DNMBP: variants seen among roughly 807,000 people sequenced by gnomAD.
DNMBP encodes dynamin-binding protein.
Under a neutral mutation model 150.0 loss-of-function variants are expected in DNMBP, and 87 were observed. The observed-to-expected ratio is 0.58, with a 90% CI of 0.49 to 0.69. The LOEUF (loss-of-function observed/expected upper bound fraction) is 0.69. DNMBP is among the 30% of genes least tolerant of loss of function. DNMBP has a pLI of 0.00. For synonymous variants in DNMBP, 711 were observed against 750.4 expected (o/e 0.95, Z 0.86); for missense variants, 1,774 against 1,949.0 (o/e 0.91, Z 1.69).
chr10:99,954,165 T>C (rs369435880), intron 4 of DNMBP, among the ~76,000 whole-genome samples: 8 of 152,122 alleles, frequency 5.3e-5, no homozygotes, highest in African/African-American at 1.9e-4. Flanking sequence ...CCCGAGTAGC[T>C]GGGACTACTG....
intron 15 of DNMBP, among the ~76,000 whole-genome samples, chr10:99,881,495 C>T (rs1407976385): frequency 1.3e-5 from 2 of 152,220 alleles, no homozygotes; most frequent in Non-Finnish European, 2.9e-5. Flanking sequence ...TTTCATAACA[C>T]TGTCAAGGCA....
chr10:99,978,587 T>C (rs2133362817), intron 1 of DNMBP, among the ~76,000 whole-genome samples: 1 of 152,302 alleles, frequency 6.6e-6, no homozygotes, highest in Non-Finnish European at 1.5e-5. Context: ...TTTGTTGTTG[T>C]TGTTTTCTTT....
chr10:99,886,293 A>G lies in DNMBP; in HGVS notation c.3618+7T>C. 1 of 1,608,480 alleles carries G rather than the reference A, an allele frequency of 6.2e-7. No homozygotes were observed. The highest frequency in any genetic ancestry group is 8.5e-7 in the Non-Finnish European group (1 of 1,175,550). On this transcript the variant is annotated splice_region_variant and intron_variant, in intron 13 of 16. Coordinates refer to ENST00000324109, the MANE Select transcript of DNMBP (RefSeq NM_015221.4). Reference sequence around the variant, plus strand: ...TGACCATCCCACTGAACAGGTAAGAAACTCACCGAAAGCAGTGGCTTTAAT... The same window carrying G: ...TGACCATCCCACTGAACAGGTAAGAGACTCACCGAAAGCAGTGGCTTTAAT...
intron 4 of DNMBP, among the ~76,000 whole-genome samples, chr10:99,941,740 T>A (rs1255530446): frequency 6.6e-6 from 1 of 152,170 alleles, no homozygotes; most frequent in Non-Finnish European, 1.5e-5. Context: ...AGTGCTGGGA[T>A]TACAGGCATG....
intron 4 of DNMBP, chr10:99,913,881 G>A: frequency 7.9e-7 from 1 of 1,263,482 alleles, no homozygotes; most frequent in Non-Finnish European, 1.0e-6. Flanking sequence ...GATCCCAGGT[G>A]CCCTTGAACA....
intron 11 of DNMBP, among the ~76,000 whole-genome samples, chr10:99,892,527 G>C (rs1468315636): frequency 1.6e-5 from 2 of 127,734 alleles, no homozygotes; most frequent in Non-Finnish European, 3.2e-5. Context: ...GGCGGTGCAA[G>C]ATGTGCTTTG....
In DNMBP at chr10:99,880,188, C is replaced by T. The variant is rs772574320; in HGVS notation, c.4171G>A (p.Ala1391Thr). 6.2e-7 allele frequency: 1 copy of T among 1,614,020 alleles called. No homozygotes were observed. Among genetic ancestry groups the T allele is most frequent in the African/African-American group, 1.3e-5 (1 of 74,920 alleles). Residue 1391 changes from alanine to threonine, a missense_variant, in exon 16 of 17, where the codon GCT (alanine) becomes ACT (threonine). Physicochemically the swap from Ala to Thr is moderately conservative, Grantham distance 58. Transcript: ENST00000324109. ...STLTFNPSSM[A>T]VSFTSGSCQK... ...CAAGACCCCGAGGTAAAGGATACAG[C>T]CATGCTGCTGGGGTTGAAGGTCAGG...
Position 99,897,907 on chromosome 10 carries a change from T to C in DNMBP, c.2920+179A>G, listed in dbSNP as rs1363697175. ...CAGCCTGGGGGACAGAGCAAGACTC[T>C]GTCTCAAAAAAAATAATAATAAAAT... On this transcript the variant is annotated intron_variant, in intron 9 of 16. Transcript: ENST00000324109. 68 of 601,372 alleles carry C rather than the reference T, an allele frequency of 1.1e-4. 2 individuals carry two copies. In the South Asian group the frequency reaches 1.4e-3, roughly 12 times the overall value. The allele number at this position is 601,372 out of a possible 1,614,324, so 37.3% of individuals were successfully genotyped here. A position where few individuals can be genotyped will look rare whatever the true frequency, so the allele number is the denominator to read the frequency against.
chr10:100,006,908 G>A (rs1012329541), intron 1 of DNMBP, among the ~76,000 whole-genome samples: 2 of 152,168 alleles, frequency 1.3e-5, no homozygotes, highest in African/African-American at 4.8e-5. Context: ...GAGGCCAGGA[G>A]TTCCAGACCA....
chr10:99,961,654 A>C (rs2804948), intron 3 of DNMBP, among the ~76,000 whole-genome samples: 394 of 152,324 alleles, frequency 2.6e-3, no homozygotes, highest in African/African-American at 9.1e-3. Flanking sequence ...TATTTCTTCA[A>C]GTCTACCAAT....
At chr10:99,903,995 G>A (rs1026310670) in intron 6 of DNMBP, among the ~76,000 whole-genome samples, 2 of 150,468 alleles carry the variant, frequency 1.3e-5, no homozygotes, top group African/African-American at 4.9e-5. Flanking sequence ...GGGCTCACAT[G>A]ATCTGCCCAC....
chr10:99,936,730 G>C (rs2040236150), intron 4 of DNMBP, among the ~76,000 whole-genome samples: 1 of 151,876 alleles, frequency 6.6e-6, no homozygotes, highest in Admixed American at 6.6e-5. Flanking sequence ...CTGGAGTTAG[G>C]GTCTTGCTCT....
chr10:99,921,798 G>C (rs1050774607), intron 4 of DNMBP, among the ~76,000 whole-genome samples: 3 of 150,636 alleles, frequency 2.0e-5, no homozygotes, highest in African/African-American at 7.3e-5. Context: ...CTGGGAGGTG[G>C]GGGCTGCAGT....
Position 99,939,800 on chromosome 10 carries a change from C to A in DNMBP, c.2260+15414G>T, listed in dbSNP as rs117622474. ...CATTACTGTAGAACCTAAGATTAAT[C>A]TTTTGAGATGTCTTTTCAGGCTTTT... On this transcript the variant is annotated intron_variant, in intron 4 of 16. Coordinates refer to ENST00000324109, the MANE Select transcript of DNMBP (RefSeq NM_015221.4). 2.3e-4 allele frequency among the ~76,000 whole-genome samples: 35 copies of A among 152,366 alleles called. No individual in the cohort carries two copies. The East Asian group carries it at 5.0e-3, about 22-fold the overall frequency.
Position 99,955,300 on chromosome 10 carries a change from T to C in DNMBP, c.2174A>G (p.Glu725Gly). The C allele has an allele frequency of 6.2e-7, 1 of 1,614,144 alleles. No homozygotes were observed. The highest frequency in any genetic ancestry group is 1.1e-5 in the South Asian group (1 of 91,084). The change falls in exon 4 of 17, where the codon GAA (glutamate) becomes GGA (glycine). Residue 725 changes from glutamate (E) to glycine (G), a missense_variant. By Grantham distance (98) the Glu-to-Gly change is moderately conservative (BLOSUM62 -2). Transcript: ENST00000324109. The part of the protein sequence containing the change: ...LNLMLEEKQD[E>G]SSRAETLEDL... ...CTCGAGGGTCTCTGCTCTTGATGAT[T>C]CATCCTGCTTCTCCTCCAGCATGAG...
intron 14 of DNMBP, 47 bp from the exon 15 acceptor site, chr10:99,884,256 A>G: frequency 1.3e-6 from 2 of 1,527,922 alleles, no homozygotes; most frequent in Non-Finnish European, 9.0e-7. Context: ...CCACTACCCC[A>G]GCAGCCATAT....
At position 99,997,154 on chromosome 10, in the gene DNMBP, A is replaced by T. The variant is rs1361702704; in HGVS notation, c.-11+12684T>A. ...TTCTCAGATGTTTCCTGATAAGCAGATCTAAACTGTAAGACAATAATATCC... is the reference window on the plus strand; with the variant it reads ...TTCTCAGATGTTTCCTGATAAGCAGTTCTAAACTGTAAGACAATAATATCC... On this transcript the variant is annotated intron_variant, in intron 1 of 16. Transcript: ENST00000324109. Among the ~76,000 whole-genome samples, 5 of 152,310 alleles carry T rather than the reference A, an allele frequency of 3.3e-5. No homozygotes were observed. The South Asian group carries it at 1.0e-3, about 32-fold the overall frequency.
At position 99,875,594 on chromosome 10, in the gene DNMBP, T is replaced by C. The variant is rs2039257158; in HGVS notation, c.*1557A>G. 1 of 152,252 alleles carries C rather than the reference T, an allele frequency of 6.6e-6. No individual in the cohort carries two copies. The highest frequency in any genetic ancestry group is 2.4e-5 in the African/African-American group (1 of 41,464). 9.4% of individuals were successfully genotyped at this position (152,252 alleles called of 1,614,324 possible). ...CATCCAAGGCCATTAGAAATGCTTT[T>C]ATTTATAAAAGAACTACTTAAATAT... On this transcript the variant is annotated 3_prime_UTR_variant, in exon 17 of 17. Transcript: ENST00000324109.
At chr10:99,907,113 CCAGCCTGGGCA>C (rs1034647235) in intron 6 of DNMBP, among the ~76,000 whole-genome samples, 9 of 151,838 alleles carry the variant, frequency 5.9e-5, no homozygotes, top group Non-Finnish European at 1.0e-4. Context: ...GAGTTTGAAA[CCAGCCTGGGCA>C]CAGCCTGGGC....
Sources: gnomAD v4.1 joint callset for allele counts (sites outside exome capture counted in the v4.1 genomes callset) on GRCh38, gnomAD v4.1.1 for gene constraint, MANE v1.5 for transcripts, NCBI Gene and HGNC (gene_info 2026-07-23, HGNC 2026-07-21) for gene names.